ADAP1: variants seen among roughly 807,000 people sequenced by gnomAD.
ADAP1 encodes arf-GAP with dual PH domain-containing protein 1.
A neutral mutation model predicts 54.9 loss-of-function variants in ADAP1; 31 were observed. The ratio of observed to expected loss-of-function variants is 0.56; its 90% confidence interval spans 0.42 to 0.76. The LOEUF (loss-of-function observed/expected upper bound fraction) is 0.76, where lower values mean the gene tolerates loss of function less well. Among genes scored for constraint, ADAP1 ranks in the 30% least tolerant of loss-of-function variants. The pLI, the probability that ADAP1 is intolerant of heterozygous loss-of-function variation, is 0.00. For synonymous variants in ADAP1, 313 were observed against 202.6 expected, an observed-to-expected ratio of 1.55 and a Z score of -4.63; for missense variants, 535 against 512.4, an observed-to-expected ratio of 1.04 and a Z score of -0.42.
chr7:924,545 G>C (rs1243130199), intron 3 of ADAP1, among the ~76,000 whole-genome samples: 1 of 72,380 alleles, frequency 1.4e-5, no homozygotes, highest in East Asian at 5.7e-4. Context: ...TGCACCCCCT[G>C]CCCTCCAGGT....
chr7:899,501 G>C lies in ADAP1; in HGVS notation c.796-11C>G. 6.2e-7 allele frequency: 1 copy of C among 1,612,062 alleles called. No individual in the cohort carries two copies. Among genetic ancestry groups the C allele is most frequent in the Non-Finnish European group, 8.5e-7 (1 of 1,179,492 alleles). ...GAAGCCTTCCGTTTGCTGTGGGTCA[G>C]AGAGGGCCCGTGACCGGCAGGTCGC... On this transcript the variant is annotated splice_polypyrimidine_tract_variant and intron_variant, in intron 8 of 10. Coordinates refer to ENST00000265846, the MANE Select transcript of ADAP1 (RefSeq NM_006869.4).
intron 8 of ADAP1, 142 bp downstream of exon 8, chr7:899,960 C>A: frequency 9.7e-7 from 1 of 1,032,904 alleles, no homozygotes; most frequent in South Asian, 1.4e-5. Flanking sequence ...GGACCCCGGC[C>A]AGGCACAGAC....
At chr7:906,771 G>GC (rs1845460271) in intron 4 of ADAP1, among the ~76,000 whole-genome samples, 1 of 31,406 alleles carries the variant, frequency 3.2e-5, no homozygotes, top group Non-Finnish European at 6.7e-5. Context: ...GGGGACATGG[G>GC]GGACAGGGGA....
intron 8 of ADAP1, 116 bp from the exon 9 acceptor site, chr7:899,606 T>A (rs1844682824): frequency 8.3e-7 from 1 of 1,202,336 alleles, no homozygotes; most frequent in African/African-American, 1.5e-5. Context: ...GTCACCTCCA[T>A]TCACTCACGC....
chr7:917,485 GAC>G (rs1350321788), intron 4 of ADAP1, among the ~76,000 whole-genome samples: 2 of 152,170 alleles, frequency 1.3e-5, no homozygotes, highest in South Asian at 2.1e-4. Context: ...CATATTTTGA[GAC>G]AGACTTTTGC....
At chr7:916,096 G>C (rs1370966174) in intron 4 of ADAP1, among the ~76,000 whole-genome samples, 1 of 152,200 alleles carries the variant, frequency 6.6e-6, no homozygotes, top group East Asian at 1.9e-4. Flanking sequence ...CGTTTCCCAA[G>C]TCACATCCCG....
At chr7:905,655 A>AGAAAGG (rs1562912549) in intron 4 of ADAP1, 1 of 33,520 alleles carries the variant, frequency 3.0e-5, no homozygotes, top group Non-Finnish European at 5.7e-5. Flanking sequence ...AAGGGAAAGG[A>AGAAAGG]GAAAGGAGAA....
chr7:920,363 G>C lies in ADAP1; in HGVS notation c.306-313C>G, dbSNP rs1178222434. Among the ~76,000 whole-genome samples the C allele has an allele frequency of 1.3e-5, 2 of 152,088 alleles. No individual in the cohort carries two copies. The highest frequency in any genetic ancestry group is 4.8e-5 in the African/African-American group (2 of 41,394). On this transcript the variant is annotated intron_variant, in intron 3 of 10. Transcript: ENST00000265846. This position sits in a 1 kb window ranked among gnomAD's most constrained non-coding sequence, Gnocchi z 4.5. ...TCTCCTTCCCACCTTGGCCTCAGCT[G>C]ATGCCCCACAGGGCTGGGGTACAGG...
At chr7:940,368 ACACAC>A (rs1199785292) in intron 1 of ADAP1, among the ~76,000 whole-genome samples, 1 of 141,248 alleles carries the variant, frequency 7.1e-6, no homozygotes, top group Non-Finnish European at 1.6e-5. Context: ...ACACACACAC[ACACAC>A]AATATGGAGA....
intron 4 of ADAP1, among the ~76,000 whole-genome samples, chr7:917,809 C>T (rs910554522): frequency 3.9e-5 from 6 of 152,136 alleles, no homozygotes; most frequent in East Asian, 1.9e-4. Context: ...CTCGCTCTGA[C>T]GTCCAGGCTG....
chr7:903,441 G>A (rs1844921723), intron 6 of ADAP1, among the ~76,000 whole-genome samples: 1 of 152,114 alleles, frequency 6.6e-6, no homozygotes, highest in Non-Finnish European at 1.5e-5. Context: ...GGGTTAGGAG[G>A]GACCTCAAAC....
Position 933,164 on chromosome 7 carries a change from G to C in ADAP1, c.213+2211C>G, listed in dbSNP as rs544574097. ...CGTGCACCTGCAATCCCAGCCACTC[G>C]GGAGGCTGAGGCAGGAGAATTGCTT... is the stretch of plus-strand genomic sequence containing the variant. On this transcript the variant is annotated intron_variant, in intron 2 of 10. Coordinates refer to ENST00000265846, the MANE Select transcript of ADAP1 (RefSeq NM_006869.4). Among the ~76,000 whole-genome samples the C allele has an allele frequency of 2.6e-5, 4 of 151,934 alleles. No homozygotes were observed. The East Asian group carries it at 7.8e-4, about 30-fold the overall frequency.
Position 900,108 on chromosome 7 carries a change from C to T in ADAP1, c.789G>A (p.Gly263=), listed in dbSNP as rs780119921. 8 of 1,613,092 alleles carry T rather than the reference C, an allele frequency of 5.0e-6. No homozygotes were observed. The highest frequency in any genetic ancestry group is 1.3e-5 in the African/African-American group (1 of 74,948). Residue 263 remains glycine, a synonymous_variant, in exon 8 of 11, where the codon GGG becomes GGA. Coordinates refer to ENST00000265846, the MANE Select transcript of ADAP1 (RefSeq NM_006869.4). Reference sequence around the variant, plus strand: ...GCACGTGCGGCACACCCACCTTGGGCCCCGTCTTCTCCATGTAGCCTTCCT... The same window carrying T: ...GCACGTGCGGCACACCCACCTTGGGTCCCGTCTTCTCCATGTAGCCTTCCT... The part of the protein sequence containing the change: ...YLKEGYMEKT[G]PKQTEGFRKR...
At position 924,702 on chromosome 7, in the gene ADAP1, ACAG is replaced by A. The variant is rs556765370; in HGVS notation, c.305+1848_305+1850del. On this transcript the variant is annotated intron_variant, in intron 3 of 10. Transcript: ENST00000265846. ...TGGGAGTCTCCTCACCCAGGACCCA[ACAG>A]CAGCAGCCCCTGAGTCCACGAGCAC... 1.1e-4 allele frequency among the ~76,000 whole-genome samples: 17 copies of A among 150,626 alleles called. No homozygotes were observed. The East Asian group carries it at 3.4e-3, about 30-fold the overall frequency.
At chr7:949,402 G>A (rs1265204381) in intron 1 of ADAP1, among the ~76,000 whole-genome samples, 1 of 152,278 alleles carries the variant, frequency 6.6e-6, no homozygotes, top group Non-Finnish European at 1.5e-5. Flanking sequence ...AAGCAGTTGG[G>A]GGATGCGGCT....
intron 2 of ADAP1, among the ~76,000 whole-genome samples, chr7:933,200 G>T (rs1020317644): frequency 6.6e-6 from 1 of 151,914 alleles, no homozygotes; most frequent in African/African-American, 2.4e-5. Flanking sequence ...GAGCCCGGGA[G>T]GTGGAGCTTG....
rs543448028 is a variant in ADAP1, at chr7:931,866, C to T, written c.213+3509G>A. ...TCAACCTCGGTCCGGTCCTCAGCAA[C>T]GGCCACCTCAGGCCCGTTTCTCCCT... is the stretch of plus-strand genomic sequence containing the variant. On this transcript the variant is annotated intron_variant, in intron 2 of 10. Coordinates refer to ENST00000265846, the MANE Select transcript of ADAP1 (RefSeq NM_006869.4). Among the ~76,000 whole-genome samples the T allele has an allele frequency of 3.5e-3, 528 of 152,180 alleles. 4 individuals carry two copies. The highest frequency in any genetic ancestry group is 0.012 in the African/African-American group (503 of 41,536).
At chr7:922,401 G>A (rs1421813711) in intron 3 of ADAP1, among the ~76,000 whole-genome samples, 1 of 152,130 alleles carries the variant, frequency 6.6e-6, no homozygotes, top group East Asian at 1.9e-4. Flanking sequence ...GGTGCTCAGG[G>A]CGACTGCCTC....
At chr7:907,132 A>G (rs1218271450) in intron 4 of ADAP1, among the ~76,000 whole-genome samples, 1 of 152,020 alleles carries the variant, frequency 6.6e-6, no homozygotes, top group South Asian at 2.1e-4. Context: ...ATCTGAGGGG[A>G]GTCCAGCTCA....
Sources: gnomAD v4.1 joint callset for allele counts (sites outside exome capture counted in the v4.1 genomes callset) on GRCh38, gnomAD v4.1.1 for gene constraint, Gnocchi (gnomAD v3.1) non-coding constraint, MANE v1.5 for transcripts, NCBI Gene and HGNC (gene_info 2026-07-23, HGNC 2026-07-21) for gene names.